KIAA1549L: variants seen among roughly 807,000 people sequenced by gnomAD.
KIAA1549L encodes UPF0606 protein KIAA1549L.
In KIAA1549L, 88 loss-of-function variants were observed where a neutral mutation model predicts 160.7. The ratio of observed to expected loss-of-function variants is 0.55; its 90% CI spans 0.46 to 0.65. The LOEUF (loss-of-function observed/expected upper bound fraction) is 0.65, where lower values mean the gene tolerates loss of function less well. Ranked by LOEUF, KIAA1549L falls within the 30% of genes least tolerant of loss-of-function variation. KIAA1549L has a pLI of 0.00. For missense variants in KIAA1549L, 2,258 were observed against 2,437.5 expected, an observed-to-expected ratio of 0.93 and a Z score of 1.55; for synonymous variants, 950 against 976.7, an observed-to-expected ratio of 0.97 and a Z score of 0.51.
chr11:33,495,675 A>G (rs568449754), intron 1 of KIAA1549L, among the ~76,000 whole-genome samples: 352 of 152,142 alleles, frequency 2.3e-3, no homozygotes, highest in Non-Finnish European at 3.7e-3. Context: ...TGGTATTTCT[A>G]GTTCTAGATC....
chr11:33,488,597 C>A (rs1852583920), intron 1 of KIAA1549L, among the ~76,000 whole-genome samples: 2 of 152,308 alleles, frequency 1.3e-5, no homozygotes, highest in South Asian at 2.1e-4. Flanking sequence ...CTATCATAAT[C>A]CCAATTTTGT....
chr11:33,460,452 C>T (rs529178240), intron 1 of KIAA1549L, among the ~76,000 whole-genome samples: 50 of 152,276 alleles, frequency 3.3e-4, no homozygotes, highest in South Asian at 1.0e-3. Flanking sequence ...CCCATATGGG[C>T]GTGAGTGAGT....
At chr11:33,476,069 CT>C (rs1477032131) in intron 1 of KIAA1549L, among the ~76,000 whole-genome samples, 1 of 152,202 alleles carries the variant, frequency 6.6e-6, no homozygotes, top group African/African-American at 2.4e-5. Flanking sequence ...CACAACTGGT[CT>C]GGGCAATAGC....
chr11:33,453,428 C>A (rs540419739), intron 1 of KIAA1549L, among the ~76,000 whole-genome samples: 8 of 152,244 alleles, frequency 5.3e-5, no homozygotes, highest in Middle Eastern at 3.4e-3. Flanking sequence ...GATGTGGCTG[C>A]TTATACAAGA....
chr11:33,460,149 A>G (rs1314908274), intron 1 of KIAA1549L, among the ~76,000 whole-genome samples: 1 of 152,308 alleles, frequency 6.6e-6, no homozygotes, highest in Non-Finnish European at 1.5e-5. Context: ...TGTCTTGGAC[A>G]GGGCCACCTG....
intron 1 of KIAA1549L, among the ~76,000 whole-genome samples, chr11:33,484,639 G>A (rs528286569): frequency 1.3e-5 from 2 of 152,098 alleles, no homozygotes; most frequent in South Asian, 2.1e-4. Flanking sequence ...CATGCTGGAC[G>A]GAGGTGAGCA....
chr11:33,454,950 G>A (rs1355333495), intron 1 of KIAA1549L, among the ~76,000 whole-genome samples: 14 of 152,094 alleles, frequency 9.2e-5, no homozygotes, highest in Non-Finnish European at 2.1e-4. Context: ...ATAGCCGGGC[G>A]TGGTGGCAGG....
rs777566871 is a variant in KIAA1549L at position 33,559,796 on chromosome 11, C to T, written c.3903C>T (p.Val1301=). 9.3e-6 allele frequency: 15 copies of T among 1,613,872 alleles called. No individual in the cohort carries two copies. Among genetic ancestry groups the T allele is most frequent in the African/African-American group, 1.3e-5 (1 of 74,940 alleles). ...NASQAVTLVY[V]VGNQSTFLNG... ...CCCAGGCAGTCACCTTGGTGTACGT[C>T]GTGGGCAATCAGAGCACATTCCTCA... is the stretch of plus-strand genomic sequence containing the variant. Residue 1301 remains valine, a synonymous_variant, in exon 7 of 21, where the codon GTC becomes GTT. Coordinates refer to ENST00000658780, the MANE Select transcript of KIAA1549L (RefSeq NM_012194.3).
At chr11:33,490,638 C>T (rs966945104) in intron 1 of KIAA1549L, among the ~76,000 whole-genome samples, 1 of 152,162 alleles carries the variant, frequency 6.6e-6, no homozygotes, top group Non-Finnish European at 1.5e-5. Context: ...TTTCTAAATT[C>T]TACATCCCTA....
intron 1 of KIAA1549L, among the ~76,000 whole-genome samples, chr11:33,446,529 T>C (rs1851615522): frequency 6.6e-6 from 1 of 152,214 alleles, no homozygotes; most frequent in Non-Finnish European, 1.5e-5. Context: ...GGACATTTCT[T>C]ACCTCTCACA....
rs1471007355 is a variant in KIAA1549L at position 33,516,207 on chromosome 11, A to G, written c.239-25595A>G. 5.4e-4 allele frequency among the ~76,000 whole-genome samples: 7 copies of G among 12,918 alleles called. 2 individuals carry two copies. Among genetic ancestry groups the G allele is most frequent in the Non-Finnish European group, 8.0e-4 (7 of 8,742 alleles). The allele number at this position is 12,918 out of a possible 152,430, so 8.5% of individuals were successfully genotyped here. A position where few individuals can be genotyped will look rare whatever the true frequency, so the allele number is the denominator to read the frequency against. Reference sequence around the variant, plus strand: ...CGCTCTGTCGCCCAGGCTGGAGTGCAGTGGCGCAATCTCGGCTCACTGCAA... The same window carrying G: ...CGCTCTGTCGCCCAGGCTGGAGTGCGGTGGCGCAATCTCGGCTCACTGCAA... On this transcript the variant is annotated intron_variant, in intron 1 of 20. Transcript: ENST00000658780.
At chr11:33,491,147 C>T (rs1164190629) in intron 1 of KIAA1549L, among the ~76,000 whole-genome samples, 1 of 152,104 alleles carries the variant, frequency 6.6e-6, no homozygotes, top group Non-Finnish European at 1.5e-5. Flanking sequence ...CATAAGTTGC[C>T]AAATCCATGT....
intron 1 of KIAA1549L, among the ~76,000 whole-genome samples, chr11:33,528,408 A>G (rs1391703208): frequency 6.6e-6 from 1 of 152,242 alleles, no homozygotes; most frequent in Non-Finnish European, 1.5e-5. Flanking sequence ...CACTATAGAA[A>G]ACAGTATGGA....
chr11:33,531,336 A>G (rs1853765588), intron 1 of KIAA1549L, among the ~76,000 whole-genome samples: 1 of 152,150 alleles, frequency 6.6e-6, no homozygotes, highest in African/African-American at 2.4e-5. Context: ...TTAGCCAGCC[A>G]TGATGGCGGG....
rs775554287 is a variant in KIAA1549L at position 33,559,722 on chromosome 11, C to T, written c.3856-27C>T. On this transcript the variant is annotated intron_variant, in intron 6 of 20. Transcript: ENST00000658780. The stretch of plus-strand genomic sequence containing the variant: ...CCCTGGTCTTATTTGGCCTGTCTCC[C>T]TCCCCTTTTCTCCTGTGTTGATTCA... 1.2e-5 allele frequency: 20 copies of T among 1,608,902 alleles called. No individual in the cohort carries two copies. The East Asian group carries it at 3.1e-4, about 25-fold the overall frequency.
intron 12 of KIAA1549L, among the ~76,000 whole-genome samples, chr11:33,595,325 C>G (rs1430622141): frequency 6.6e-6 from 1 of 152,182 alleles, no homozygotes; most frequent in Non-Finnish European, 1.5e-5. Flanking sequence ...CTCCCGGGTT[C>G]AAGCAATTCC....
At chr11:33,419,885 C>T (rs1217225115) in intron 1 of KIAA1549L, among the ~76,000 whole-genome samples, 1 of 104,970 alleles carries the variant, frequency 9.5e-6, no homozygotes, top group Non-Finnish European at 2.2e-5. Flanking sequence ...TACATACATA[C>T]ATACATACAT....
chr11:33,419,446 T>A (rs1479099748), intron 1 of KIAA1549L, among the ~76,000 whole-genome samples: 1 of 152,244 alleles, frequency 6.6e-6, no homozygotes, highest in Non-Finnish European at 1.5e-5. Flanking sequence ...TGGCCTGTTT[T>A]CCCTCGTCTT....
intron 7 of KIAA1549L, among the ~76,000 whole-genome samples, chr11:33,561,219 A>AG (rs1854848589): frequency 6.6e-6 from 1 of 152,252 alleles, no homozygotes; most frequent in Non-Finnish European, 1.5e-5. Context: ...AGAAAGCTAC[A>AG]GCAAAGACAG....
Sources: allele counts gnomAD v4.1 joint callset (sites outside exome capture counted in the v4.1 genomes callset), GRCh38; gene constraint gnomAD v4.1.1; transcripts MANE v1.5; gene names NCBI Gene and HGNC (gene_info 2026-07-23, HGNC 2026-07-21).